AGTPBP1: variants seen among roughly 807,000 people sequenced by gnomAD.
AGTPBP1 encodes the protein cytosolic carboxypeptidase 1.
A neutral mutation model predicts 143.9 loss-of-function variants in AGTPBP1; 70 were observed. The ratio of observed to expected loss-of-function variants is 0.49; its 90% CI spans 0.40 to 0.59. The LOEUF is 0.59. Among genes scored for constraint, AGTPBP1 ranks in the 20% least tolerant of loss-of-function variants. AGTPBP1 has a pLI of 0.00. For missense variants in AGTPBP1, 1,229 were observed against 1,464.5 expected, an observed-to-expected ratio of 0.84 and a Z score of 2.62; for synonymous variants, 463 against 500.2, an observed-to-expected ratio of 0.93 and a Z score of 0.99.
intron 25 of AGTPBP1, among the ~76,000 whole-genome samples, chr9:85,567,144 A>T (rs1587641681): frequency 6.6e-6 from 1 of 152,060 alleles, no homozygotes; most frequent in Admixed American, 6.6e-5. Flanking sequence ...GGAGTGGGGG[A>T]CTCTACTTAA....
In AGTPBP1 at chr9:85,598,545, G is replaced by A. The variant is rs1423022783; in HGVS notation, c.2336-2096C>T. 2.6e-5 allele frequency among the ~76,000 whole-genome samples: 4 copies of A among 152,124 alleles called. No homozygotes were observed. The South Asian group carries it at 6.2e-4, about 24-fold the overall frequency. On this transcript the variant is annotated intron_variant, in intron 17 of 25. Transcript: ENST00000357081. ...ATTCTCATAAATGTTTTCTAATCAA[G>A]TTGTATTTCCTGGAGATTTCTGCCC...
At chr9:85,651,960 T>G (rs1663122395) in intron 11 of AGTPBP1, among the ~76,000 whole-genome samples, 1 of 152,198 alleles carries the variant, frequency 6.6e-6, no homozygotes, top group South Asian at 2.1e-4. Context: ...AGCTGCTAAA[T>G]CCCTTGGAAT....
At chr9:85,740,221 G>C (rs1433486651) in intron 1 of AGTPBP1, among the ~76,000 whole-genome samples, 1 of 152,194 alleles carries the variant, frequency 6.6e-6, no homozygotes, top group Non-Finnish European at 1.5e-5. Context: ...AAATACGAGG[G>C]TAGTTTTAAG....
upstream of AGTPBP1, chr9:85,742,011 C>T (rs1472734649): frequency 4.2e-6 from 5 of 1,204,598 alleles, no homozygotes; most frequent in Non-Finnish European, 5.1e-6. Flanking sequence ...CCTTGCCAGC[C>T]GGCTCCCAGC....
At chr9:85,759,910 G>T in the AGTPBP1 span, among the ~76,000 whole-genome samples, 2 of 152,040 alleles carry the variant, frequency 1.3e-5, no homozygotes, top group Non-Finnish European at 2.9e-5. Context: ...GAATCAAATA[G>T]ATGCAATAAA....
chr9:85,712,683 A>G, intron 1 of AGTPBP1, 117 bp from the exon 2 acceptor site: 1 of 431,324 alleles, frequency 2.3e-6, no homozygotes, highest in Non-Finnish European at 4.0e-6. Flanking sequence ...ATAACACCGG[A>G]AACAAAAAGA....
chr9:85,703,259 A>C (rs1300265911), intron 2 of AGTPBP1, among the ~76,000 whole-genome samples: 1 of 152,182 alleles, frequency 6.6e-6, no homozygotes, highest in Non-Finnish European at 1.5e-5. Flanking sequence ...AGAGATGGGG[A>C]AGACAGAATT....
In AGTPBP1 at chr9:85,592,668, C is replaced by T. The variant is rs561398821; in HGVS notation, c.2460G>A (p.Gly820=). 1 of 1,610,918 alleles carries T rather than the reference C, an allele frequency of 6.2e-7. No individual in the cohort carries two copies. The highest frequency in any genetic ancestry group is 1.3e-5 in the African/African-American group (1 of 74,848). Residue 820 remains glycine, a synonymous_variant, in exon 19 of 26, where the codon GGG becomes GGA. Coordinates refer to ENST00000357081, the MANE Select transcript of AGTPBP1 (RefSeq NM_001330701.2). The part of the protein sequence containing the change: ...HFSRSSVAAG[G]QKGKSYYTIT... The stretch of plus-strand genomic sequence containing the variant: ...TTGTATAGTAGGATTTTCCCTTTTG[C>T]CCACCTGCAGCAACTGAACTTCTTG...
intron 20 of AGTPBP1, 68 bp from the exon 21 acceptor site, chr9:85,588,546 G>C (rs1448622833): frequency 6.7e-7 from 1 of 1,500,946 alleles, no homozygotes; most frequent in East Asian, 2.4e-5. Context: ...TTACTTTGGG[G>C]CTTTAGAAAT....
At chr9:85,657,145 C>T (rs920357290) in intron 10 of AGTPBP1, among the ~76,000 whole-genome samples, 3 of 136,756 alleles carry the variant, frequency 2.2e-5, no homozygotes, top group Non-Finnish European at 4.6e-5. Context: ...CTAACCTGCA[C>T]AATGTGCACA....
At chr9:85,771,874 T>C in the AGTPBP1 span, among the ~76,000 whole-genome samples, 1 of 152,064 alleles carries the variant, frequency 6.6e-6, no homozygotes, top group African/African-American at 2.4e-5. Flanking sequence ...TAGACAGAGA[T>C]GGTCTCGATC....
At chr9:85,742,784 CAAAT>C (rs1824454188), upstream of AGTPBP1, among the ~76,000 whole-genome samples, 1 of 152,132 alleles carries the variant, frequency 6.6e-6, no homozygotes, top group African/African-American at 2.4e-5. Context: ...CAATGTATTG[CAAAT>C]AAATACTGAC....
intron 2 of AGTPBP1, among the ~76,000 whole-genome samples, chr9:85,698,067 G>A (rs1274574561): frequency 1.3e-5 from 2 of 151,646 alleles, no homozygotes; most frequent in African/African-American, 4.8e-5. Flanking sequence ...TTTGTTTTTC[G>A]TTATTTTTCT....
chr9:85,675,191 C>T (rs1296298434), intron 6 of AGTPBP1, among the ~76,000 whole-genome samples: 5 of 152,174 alleles, frequency 3.3e-5, no homozygotes, highest in South Asian at 4.2e-4. Flanking sequence ...ACACCGTACC[C>T]GGCCAAAGGC....
chr9:85,586,834 G>A lies in AGTPBP1; in HGVS notation c.3030C>T (p.Pro1010=). 1 of 1,613,270 alleles carries A rather than the reference G, an allele frequency of 6.2e-7. No individual in the cohort carries two copies. The highest frequency in any genetic ancestry group is 8.5e-7 in the Non-Finnish European group (1 of 1,179,526). ...LQYLAAVKRL[P]LVYCDYHGHS... ...AAAAACAAGTATTGCTACTTACCAA[G>A]GGTAAACGCTTCACTGCAGCCAAGT... Residue 1010 remains proline, a synonymous_variant, in exon 22 of 26, where the codon CCC becomes CCT. Coordinates refer to ENST00000357081, the MANE Select transcript of AGTPBP1 (RefSeq NM_001330701.2).
the AGTPBP1 span, chr9:85,770,382 T>C: frequency 2.5e-6 from 4 of 1,604,660 alleles, no homozygotes; most frequent in Non-Finnish European, 3.4e-6. Context: ...AGAAGTCACT[T>C]AGAGCATCAT....
intron 1 of AGTPBP1, among the ~76,000 whole-genome samples, chr9:85,731,785 C>A (rs1012502013): frequency 2.0e-5 from 3 of 152,124 alleles, no homozygotes; most frequent in African/African-American, 7.2e-5. Context: ...AATCTTCAAA[C>A]AGGAAAATTG....
intron 1 of AGTPBP1, among the ~76,000 whole-genome samples, chr9:85,731,522 C>T (rs1838879971): frequency 6.6e-6 from 1 of 151,998 alleles, no homozygotes; most frequent in Non-Finnish European, 1.5e-5. Flanking sequence ...TACAGTGGCA[C>T]AAACAAGGCT....
intron 2 of AGTPBP1, among the ~76,000 whole-genome samples, chr9:85,698,637 T>A (rs1322299495): frequency 3.1e-5 from 4 of 130,614 alleles, no homozygotes; most frequent in East Asian, 2.7e-4. Flanking sequence ...GAATGTTAAA[T>A]AAAGACACTT....
Sources: allele counts gnomAD v4.1 joint callset (sites outside exome capture counted in the v4.1 genomes callset), GRCh38; gene constraint gnomAD v4.1.1; transcripts MANE v1.5; gene names NCBI Gene and HGNC (gene_info 2026-07-23, HGNC 2026-07-21).